MGAM: variants seen among roughly 807,000 people sequenced by gnomAD.
MGAM encodes the protein alpha-1,4-glucosidase.
In MGAM, 253 loss-of-function variants were observed where a neutral mutation model predicts 358.8. The ratio of observed to expected loss-of-function variants is 0.71; its 90% confidence interval spans 0.64 to 0.78. MGAM has a LOEUF of 0.78. Ranked by LOEUF, MGAM falls within the 30% of genes least tolerant of loss-of-function variation. The probability of loss-of-function intolerance (pLI) is 0.00; values close to 1 mark genes in which losing one functional copy is unlikely to be tolerated. For synonymous variants in MGAM, 1,105 were observed against 1,227.1 expected (o/e 0.90, Z 2.08); for missense variants, 3,080 against 3,432.6 (o/e 0.90, Z 2.57).
At chr7:142,017,518 C>T (rs1186770510) in intron 3 of MGAM, among the ~76,000 whole-genome samples, 2 of 152,116 alleles carry the variant, frequency 1.3e-5, no homozygotes, top group African/African-American at 4.8e-5. Context: ...CTCTTTTGGC[C>T]ACTCTGATCT....
chr7:142,097,552 A>G, intron 65 of MGAM, 41 bp from the exon 66 acceptor site: 2 of 1,583,712 alleles, frequency 1.3e-6, no homozygotes, highest in East Asian at 4.5e-5. Flanking sequence ...CTGTCCTGGA[A>G]AATGGTGCCA....
upstream of MGAM, among the ~76,000 whole-genome samples, chr7:141,992,617 C>G (rs1554447557): frequency 6.6e-6 from 1 of 152,172 alleles, no homozygotes; most frequent in East Asian, 1.9e-4. Context: ...GGCTCTCACT[C>G]TGTTACCCAA....
At chr7:142,043,092 A>ATACATATAATATCTAAATATAATATATT (rs1809266304) in intron 21 of MGAM, among the ~76,000 whole-genome samples, 2 of 67,094 alleles carry the variant, frequency 3.0e-5, no homozygotes, top group African/African-American at 1.6e-4. Flanking sequence ...TAATATATAT[A>ATACATATAATATCTAAATATAATATATT]TTATATATAC....
chr7:142,042,652 A>C (rs1277704693), intron 21 of MGAM, among the ~76,000 whole-genome samples: 1 of 46,652 alleles, frequency 2.1e-5, no homozygotes, highest in Non-Finnish European at 3.8e-5. Flanking sequence ...TATAATATAT[A>C]TTATATATAC....
intron 30 of MGAM, among the ~76,000 whole-genome samples, chr7:142,057,443 G>T (rs1024503829): frequency 1.3e-4 from 19 of 149,900 alleles, no homozygotes; most frequent in African/African-American, 4.4e-4. Flanking sequence ...TATGGTGGTG[G>T]TGGTAGTGGT....
At chr7:142,027,401 T>C (rs2272329) in intron 9 of MGAM, among the ~76,000 whole-genome samples, 174 bp downstream of exon 9, 7,565 of 152,274 alleles carry the variant, frequency 0.05, 420 homozygotes, top group African/African-American at 0.13. Flanking sequence ...TTTTATGTTA[T>C]AAGAAGGTGA....
chr7:142,044,672 G>A (rs1206477503), intron 21 of MGAM, among the ~76,000 whole-genome samples: 2 of 70,440 alleles, frequency 2.8e-5, no homozygotes, highest in South Asian at 4.5e-4. Context: ...TTATATACAC[G>A]TGTAATATAT....
In MGAM at chr7:142,022,331, G is replaced by A; in HGVS notation, c.774G>A (p.Leu258=). 6.2e-7 allele frequency: 1 copy of A among 1,613,638 alleles called. No individual in the cohort carries two copies. Among genetic ancestry groups the A allele is most frequent in the Non-Finnish European group, 8.5e-7 (1 of 1,179,662 alleles). The stretch of plus-strand genomic sequence containing the variant: ...AGTTCTTGCAGCTCTCCACTCGACT[G>A]CCTAGCACTAACGTGTATGGCCTGG... The part of the protein sequence containing the change: ...ADQFLQLSTR[L]PSTNVYGLGE... Residue 258 remains leucine, a synonymous_variant, in exon 7 of 71, where the codon CTG becomes CTA. Coordinates refer to ENST00000475668, the MANE Select transcript of MGAM (RefSeq NM_001365693.1).
At chr7:142,041,842 T>C (rs928899719) in intron 21 of MGAM, among the ~76,000 whole-genome samples, 1 of 129,850 alleles carries the variant, frequency 7.7e-6, no homozygotes, top group African/African-American at 2.9e-5. Context: ...GCACTGCCAC[T>C]TTCAAGTTTC....
intron 57 of MGAM, among the ~76,000 whole-genome samples, chr7:142,089,677 C>T (rs1406984800): frequency 4.1e-5 from 6 of 145,290 alleles, no homozygotes; most frequent in Middle Eastern, 7.0e-3. Flanking sequence ...TGTAATCCCA[C>T]TTAGGAGGCT....
At chr7:142,064,716 G>T (rs1355200478) in intron 37 of MGAM, among the ~76,000 whole-genome samples, 194 bp downstream of exon 37, 1 of 152,162 alleles carries the variant, frequency 6.6e-6, no homozygotes, top group Non-Finnish European at 1.5e-5. Flanking sequence ...TAGGAGGACA[G>T]ATTTAAATAA....
At chr7:141,992,230 G>A (rs572597748), upstream of MGAM, among the ~76,000 whole-genome samples, 2 of 152,224 alleles carry the variant, frequency 1.3e-5, no homozygotes, top group South Asian at 4.1e-4. Context: ...TAAATTTATT[G>A]ATAGGTAGTA....
rs782162676 is a variant in MGAM at position 142,027,595 on chromosome 7, A to C, written c.1096-15A>C. Reference sequence around the variant, plus strand: ...CAGAGTATTTGCTAATTTTCACTTCACATATTTCTTTCAGCTCATTGGGCG... The same window carrying C: ...CAGAGTATTTGCTAATTTTCACTTCCCATATTTCTTTCAGCTCATTGGGCG... On this transcript the variant is annotated splice_polypyrimidine_tract_variant and intron_variant, in intron 9 of 70. Coordinates refer to ENST00000475668, the MANE Select transcript of MGAM (RefSeq NM_001365693.1). 14 of 1,611,508 alleles carry C rather than the reference A, an allele frequency of 8.7e-6. No individual in the cohort carries two copies. Among genetic ancestry groups the C allele is most frequent in the Non-Finnish European group, 1.2e-5 (14 of 1,179,164 alleles).
At chr7:142,079,574 C>T (rs1814060542) in intron 49 of MGAM, among the ~76,000 whole-genome samples, 1 of 145,916 alleles carries the variant, frequency 6.9e-6, no homozygotes, top group Non-Finnish European at 1.6e-5. Flanking sequence ...CAACCTGCAG[C>T]GATTTCATTT....
At chr7:142,058,353 A>C (rs1563177288) in intron 31 of MGAM, 25 bp downstream of exon 31, 1 of 1,613,168 alleles carries the variant, frequency 6.2e-7, no homozygotes, top group Non-Finnish European at 8.5e-7. Context: ...ATGGCTCTGG[A>C]GTTTCAAAAC....
Position 142,084,363 on chromosome 7 carries a change from A to G in MGAM, c.6382-156A>G, listed in dbSNP as rs1474035959. Among the ~76,000 whole-genome samples the G allele has an allele frequency of 2.1e-5, 3 of 146,266 alleles. No individual in the cohort carries two copies. The East Asian group carries it at 6.0e-4, about 29-fold the overall frequency. ...CAAGTCTAGCAGAAAGCTTTCTCCA[A>G]GTATCCTAGTGGCTCTATATCCTGT... On this transcript the variant is annotated intron_variant, in intron 53 of 70. Coordinates refer to ENST00000475668, the MANE Select transcript of MGAM (RefSeq NM_001365693.1).
In MGAM at chr7:142,038,722, G is replaced by A. The variant is rs185463713; in HGVS notation, c.2316+107G>A. ...AAACTCACTTCTGACATCTGTGACT[G>A]AGTCAGCCTTGAAGAGAGTGTGCTA... On this transcript the variant is annotated intron_variant, in intron 19 of 70. Coordinates refer to ENST00000475668, the MANE Select transcript of MGAM (RefSeq NM_001365693.1). 2,597 of 782,104 alleles carry A rather than the reference G, an allele frequency of 3.3e-3. 3 individuals are homozygous for A. Among genetic ancestry groups the A allele is most frequent in the Non-Finnish European group, 4.5e-3 (2,263 of 503,714 alleles). The allele number at this position is 782,104 out of a possible 1,614,324, so 48.4% of individuals were successfully genotyped here.
rs557823159 is a variant in MGAM, at chr7:142,054,265, C to G, written c.3160-489C>G. ...GAATTTCGTAAAACCATAACACTGC[C>G]TTATTGAGCTCACGTCCCTAGTGTC... is the stretch of plus-strand genomic sequence containing the variant. On this transcript the variant is annotated intron_variant, in intron 26 of 70. Transcript: ENST00000475668. Among the ~76,000 whole-genome samples the G allele has an allele frequency of 4.6e-5, 7 of 152,286 alleles. No individual in the cohort carries two copies. The South Asian group carries it at 1.5e-3, about 32-fold the overall frequency.
In MGAM at chr7:142,060,308, T is replaced by A. The variant is rs753968234; in HGVS notation, c.4060-3T>A. ...TCGCTACTGAACGTATTTCTCTCCA[T>A]AGGTCTGGCCTGATTTTCCTGATGT... On this transcript the variant is annotated splice_polypyrimidine_tract_variant and splice_region_variant and intron_variant, in intron 33 of 70. Coordinates refer to ENST00000475668, the MANE Select transcript of MGAM (RefSeq NM_001365693.1). 5 of 1,613,850 alleles carry A rather than the reference T, an allele frequency of 3.1e-6. No individual in the cohort carries two copies. In the South Asian group the frequency reaches 3.3e-5, roughly 11 times the overall value.
Sources: gnomAD v4.1 joint callset for allele counts (sites outside exome capture counted in the v4.1 genomes callset) on GRCh38, gnomAD v4.1.1 for gene constraint, MANE v1.5 for transcripts, NCBI Gene and HGNC (gene_info 2026-07-23, HGNC 2026-07-21) for gene names.